ADGRE5: variants seen among roughly 807,000 people sequenced by gnomAD.
ADGRE5 encodes the protein adhesion G protein-coupled receptor E5.
In ADGRE5, 72 loss-of-function variants were observed where a neutral mutation model predicts 100.3. The observed-to-expected ratio is 0.72, with a 90% CI of 0.59 to 0.87. The LOEUF (loss-of-function observed/expected upper bound fraction) is 0.87. ADGRE5 is among the 40% of genes least tolerant of loss of function. The pLI is 0.00. For synonymous variants in ADGRE5, 439 were observed against 447.8 expected, an observed-to-expected ratio of 0.98 and a Z score of 0.25; for missense variants, 959 against 1,094.7, an observed-to-expected ratio of 0.88 and a Z score of 1.75.
In ADGRE5 at chr19:14,404,549, A is replaced by G. The variant is rs747407151; in HGVS notation, c.1616A>G (p.His539Arg). Residue 539 changes from histidine (H) to arginine (R), a missense_variant, in exon 13 of 20, where the codon CAT (histidine) becomes CGT (arginine). Coordinates refer to ENST00000242786, the MANE Select transcript of ADGRE5 (RefSeq NM_078481.4). ...AGCAGCTTTGCGATCCTTATGGCTC[A>G]TTATGACGTGGAGGTAAGTAGCTGG... is the stretch of plus-strand genomic sequence containing the variant. ...HLSSFAILMA[H>R]YDVEDWKLTL... 6 of 1,612,914 alleles carry G rather than the reference A, an allele frequency of 3.7e-6. No individual in the cohort carries two copies. The South Asian group carries it at 4.4e-5, about 12-fold the overall frequency.
Position 14,394,959 on chromosome 19 carries a change from G to T in ADGRE5, c.347-1383G>T, listed in dbSNP as rs76816060. ...AACGCACCGTCAATGACCAAAGCTTGGGAGGATGCTGTGGCCAGGTGTGGG... is the reference window on the plus strand; with the variant it reads ...AACGCACCGTCAATGACCAAAGCTTTGGAGGATGCTGTGGCCAGGTGTGGG... On this transcript the variant is annotated intron_variant, in intron 4 of 19. Coordinates refer to ENST00000242786, the MANE Select transcript of ADGRE5 (RefSeq NM_078481.4). Among the ~76,000 whole-genome samples the T allele has an allele frequency of 3.1e-3, 474 of 152,252 alleles. 4 individuals are homozygous for T. Among genetic ancestry groups the T allele is most frequent in the African/African-American group, 0.01 (427 of 41,556 alleles).
rs1599634672 is a variant in ADGRE5 at position 14,406,090 on chromosome 19, G to T, written c.1821+151G>T. 1.3e-6 allele frequency: 1 copy of T among 753,150 alleles called. No homozygotes were observed. Among genetic ancestry groups the T allele is most frequent in the Non-Finnish European group, 2.1e-6 (1 of 477,160 alleles). 46.7% of individuals were successfully genotyped at this position (753,150 alleles called of 1,614,324 possible). A position where few individuals can be genotyped will look rare whatever the true frequency, so the allele number is the denominator to read the frequency against. On this transcript the variant is annotated intron_variant, in intron 14 of 19. Transcript: ENST00000242786. This position sits in a 1 kb window ranked among gnomAD's most constrained non-coding sequence, Gnocchi z 6.0. ...CGGGATCTGGCCCCGCCCACCGGGG[G>T]GTCGGGTTGTCTCTTTAAAGGGCGC...
chr19:14,388,972 C>A (rs549335018), intron 3 of ADGRE5, among the ~76,000 whole-genome samples, 154 bp downstream of exon 3: 1 of 150,960 alleles, frequency 6.6e-6, no homozygotes, highest in East Asian at 2.0e-4. Flanking sequence ...CGTGGTGGCT[C>A]ACGCCTGTAA....
In ADGRE5 at chr19:14,406,773, AC is replaced by A; in HGVS notation, c.2115+10del. 1 of 1,613,666 alleles carries A rather than the reference AC, an allele frequency of 6.2e-7. No individual in the cohort carries two copies. Among genetic ancestry groups the A allele is most frequent in the East Asian group, 2.2e-5 (1 of 44,844 alleles). ...TGTGACCTTCATCATTTTGGTAAGT[AC>A]CCACTCTCCCTCCACCGAAGCCCGA... On this transcript the variant is annotated splice_region_variant and intron_variant, in intron 16 of 19. Coordinates refer to ENST00000242786, the MANE Select transcript of ADGRE5 (RefSeq NM_078481.4). The surrounding 1 kb of genome is among the most constrained non-coding windows in gnomAD (Gnocchi z 6.0).
Position 14,402,679 on chromosome 19 carries a change from G to A in ADGRE5, c.1266G>A (p.Lys422=). The A allele has an allele frequency of 6.2e-7, 1 of 1,614,174 alleles. No individual in the cohort carries two copies. Among genetic ancestry groups the A allele is most frequent in the Non-Finnish European group, 8.5e-7 (1 of 1,180,030 alleles). ...CCTCCTTGAACCTGCATTCCAAGAA[G>A]CAAGCCGAACTGGAGGAGATATATG... ...ANASLNLHSK[K]QAELEEIYES... The change falls in exon 12 of 20, where the codon AAG becomes AAA. Residue 422 remains lysine (K), a synonymous_variant. Transcript: ENST00000242786.
intron 12 of ADGRE5, 86 bp downstream of exon 12, chr19:14,402,948 C>A: frequency 7.5e-7 from 1 of 1,337,908 alleles, no homozygotes; most frequent in Non-Finnish European, 1.1e-6. Context: ...TCTTTCCCGA[C>A]GTGACTCAGT....
chr19:14,406,492 C>A lies in ADGRE5; in HGVS notation c.1983C>A (p.Gly661=). The stretch of plus-strand genomic sequence containing the variant: ...GCTGGCTCTGCCTGATCGGCTATGG[C>A]GTGCCCCTGCTCATCGTGGGCGTCT... ...STRWLCLIGY[G]VPLLIVGVSA... The change falls in exon 15 of 20, where the codon GGC becomes GGA. Residue 661 remains glycine (G), a synonymous_variant. Transcript: ENST00000242786. This position sits in a 1 kb window ranked among gnomAD's most constrained non-coding sequence, Gnocchi z 6.0. 6.4e-7 allele frequency: 1 copy of A among 1,565,226 alleles called. No homozygotes were observed.
chr19:14,396,155 C>T, intron 4 of ADGRE5, 187 bp from the exon 5 acceptor site: 2 of 1,050,670 alleles, frequency 1.9e-6, no homozygotes, highest in Non-Finnish European at 2.7e-6. Flanking sequence ...TGGCTGCTTC[C>T]AGCCACATCT....
At chr19:14,388,392 T>C in intron 1 of ADGRE5, 58 bp from the exon 2 acceptor site, 1 of 1,424,800 alleles carries the variant, frequency 7.0e-7, no homozygotes, top group Non-Finnish European at 9.5e-7. Flanking sequence ...GCATCACCCT[T>C]ACGCCTCCTT....
At chr19:14,396,750 T>C (rs1975796125) in intron 5 of ADGRE5, among the ~76,000 whole-genome samples, 1 of 152,176 alleles carries the variant, frequency 6.6e-6, no homozygotes, top group African/African-American at 2.4e-5. Flanking sequence ...TCACTTCCAG[T>C]TCTAAGAAGG....
Position 14,408,022 on chromosome 19 carries a change from G to A in ADGRE5, c.2478+13G>A, listed in dbSNP as rs367984696. ...CAATCAGACCCGGGTAAGGGGCTGC[G>A]CCTGGGGCGGGTGTGGGCAGGAAGG... On this transcript the variant is annotated intron_variant, in intron 19 of 19. Transcript: ENST00000242786. 62 of 1,613,966 alleles carry A rather than the reference G, an allele frequency of 3.8e-5. No individual in the cohort carries two copies. The highest frequency in any genetic ancestry group is 1.1e-4 in the African/African-American group (8 of 74,924).
intron 1 of ADGRE5, among the ~76,000 whole-genome samples, chr19:14,384,891 C>T (rs756080392): frequency 2.6e-4 from 40 of 151,644 alleles, no homozygotes; most frequent in Admixed American, 5.3e-4. Context: ...GTCTCCCTCT[C>T]TCTCTCCAGC....
rs1976217076 is a variant in ADGRE5, at chr19:14,406,043, G to A, written c.1821+104G>A. 9.8e-7 allele frequency: 1 copy of A among 1,021,444 alleles called. No homozygotes were observed. The highest frequency in any genetic ancestry group is 1.4e-6 in the Non-Finnish European group (1 of 717,380). The allele number at this position is 1,021,444 out of a possible 1,614,324, so 63.3% of individuals were successfully genotyped here. Reference sequence around the variant, plus strand: ...CTCAGTCGGGTAGGCGGGCCCTGGAGGCATGAGGCCCCGCCCCTGTCCGGG... The same window carrying A: ...CTCAGTCGGGTAGGCGGGCCCTGGAAGCATGAGGCCCCGCCCCTGTCCGGG... On this transcript the variant is annotated intron_variant, in intron 14 of 19. Transcript: ENST00000242786. This position sits in a 1 kb window ranked among gnomAD's most constrained non-coding sequence, Gnocchi z 6.0.
Position 14,407,049 on chromosome 19 carries a change from C to T in ADGRE5, c.2208-12C>T, listed in dbSNP as rs371612036. ...GAGGTGGGGGCCCACGCTGCAACCC[C>T]GCTCCTCGCAGGGCGCTGACCATCA... is the stretch of plus-strand genomic sequence containing the variant. On this transcript the variant is annotated splice_polypyrimidine_tract_variant and intron_variant, in intron 17 of 19. Transcript: ENST00000242786. The T allele has an allele frequency of 3.7e-6, 6 of 1,613,926 alleles. No individual in the cohort carries two copies. Among genetic ancestry groups the T allele is most frequent in the South Asian group, 1.1e-5 (1 of 91,076 alleles).
rs564507194 is a variant in ADGRE5 at position 14,394,961 on chromosome 19, G to A, written c.347-1381G>A. Among the ~76,000 whole-genome samples, 3 of 152,278 alleles carry A rather than the reference G, an allele frequency of 2.0e-5. No individual in the cohort carries two copies. In the East Asian group the frequency reaches 5.8e-4, roughly 29 times the overall value. ...CGCACCGTCAATGACCAAAGCTTGG[G>A]AGGATGCTGTGGCCAGGTGTGGGCA... On this transcript the variant is annotated intron_variant, in intron 4 of 19. Coordinates refer to ENST00000242786, the MANE Select transcript of ADGRE5 (RefSeq NM_078481.4).
At chr19:14,389,097 T>C (rs1345589283) in intron 3 of ADGRE5, among the ~76,000 whole-genome samples, 1 of 124,428 alleles carries the variant, frequency 8.0e-6, no homozygotes, top group Non-Finnish European at 1.7e-5. Flanking sequence ...TGAGCTATGA[T>C]TGCACCACTG....
At chr19:14,407,606 A>G (rs947559702) in intron 18 of ADGRE5, among the ~76,000 whole-genome samples, 1 of 146,316 alleles carries the variant, frequency 6.8e-6, no homozygotes, top group Non-Finnish European at 1.5e-5. Flanking sequence ...GCACCATTGC[A>G]CTCCAGCCTG....
Position 14,401,828 on chromosome 19 carries a change from G to A in ADGRE5, c.1183+68G>A. The A allele has an allele frequency of 2.6e-6, 3 of 1,141,000 alleles. No individual in the cohort carries two copies. Among genetic ancestry groups the A allele is most frequent in the Non-Finnish European group, 3.7e-6 (3 of 807,936 alleles). The allele number at this position is 1,141,000 out of a possible 1,614,324, so 70.7% of individuals were successfully genotyped here. A position where few individuals can be genotyped will look rare whatever the true frequency, so the allele number is the denominator to read the frequency against. On this transcript the variant is annotated intron_variant, in intron 11 of 19. Transcript: ENST00000242786. The surrounding 1 kb of genome is among the most constrained non-coding windows in gnomAD (Gnocchi z 4.1). ...GGAGGTGCTGGGATGGGGCCAGGGTGAGGTTCAGAATAGAACAACTGACTG... is the reference window on the plus strand; with the variant it reads ...GGAGGTGCTGGGATGGGGCCAGGGTAAGGTTCAGAATAGAACAACTGACTG...
rs1975999362 is a variant in ADGRE5 at position 14,401,314 on chromosome 19, G to T, written c.898-72G>T. 2.2e-6 allele frequency: 3 copies of T among 1,354,274 alleles called. No individual in the cohort carries two copies. The African/African-American group carries it at 4.3e-5, about 20-fold the overall frequency. The allele number at this position is 1,354,274 out of a possible 1,614,324, so 83.9% of individuals were successfully genotyped here. On this transcript the variant is annotated intron_variant, in intron 9 of 19. Coordinates refer to ENST00000242786, the MANE Select transcript of ADGRE5 (RefSeq NM_078481.4). The surrounding 1 kb of genome is among the most constrained non-coding windows in gnomAD (Gnocchi z 4.1). Reference sequence around the variant, plus strand: ...TCTCCAGTGTGTCCCCTGGTAGGGGGTGACATCCAGGTCCTTCAGGCAACC... The same window carrying T: ...TCTCCAGTGTGTCCCCTGGTAGGGGTTGACATCCAGGTCCTTCAGGCAACC...
Sources: gnomAD v4.1 joint callset for allele counts (sites outside exome capture counted in the v4.1 genomes callset) on GRCh38, gnomAD v4.1.1 for gene constraint, Gnocchi (gnomAD v3.1) non-coding constraint, MANE v1.5 for transcripts, NCBI Gene and HGNC (gene_info 2026-07-23, HGNC 2026-07-21) for gene names.